MCMDC2: variants seen among roughly 807,000 people sequenced by gnomAD.
MCMDC2 encodes minichromosome maintenance domain-containing protein 2.
In MCMDC2, 54 loss-of-function variants were observed where a neutral mutation model predicts 75.8. The ratio of observed to expected loss-of-function variants is 0.71; its 90% CI spans 0.57 to 0.89. The LOEUF is 0.89. MCMDC2 is among the 40% of genes least tolerant of loss of function. The pLI, the probability that MCMDC2 is intolerant of heterozygous loss-of-function variation, is 0.00. For missense variants in MCMDC2, 656 were observed against 780.4 expected, an observed-to-expected ratio of 0.84 and a Z score of 1.90; for synonymous variants, 249 against 274.6, an observed-to-expected ratio of 0.91 and a Z score of 0.92.
At chr8:66,874,746 C>G (rs1042463740) in intron 4 of MCMDC2, among the ~76,000 whole-genome samples, 160 bp downstream of exon 4, 1 of 151,864 alleles carries the variant, frequency 6.6e-6, no homozygotes, top group Non-Finnish European at 1.5e-5. Flanking sequence ...CTTGTATTAT[C>G]CTTTATAACA....
Position 66,910,705 on chromosome 8 carries a change from A to G in MCMDC2, c.1879+5370A>G, listed in dbSNP as rs1219903267. 3.3e-5 allele frequency among the ~76,000 whole-genome samples: 5 copies of G among 152,214 alleles called. No homozygotes were observed. The East Asian group carries it at 5.8e-4, about 18-fold the overall frequency. ...GTGCCTACAATCCCAGCTACTTGGT[A>G]GGCTGAGGCTGGAGAATCGCTTGAA... On this transcript the variant is annotated intron_variant, in intron 14 of 14. Transcript: ENST00000422365.
At chr8:66,914,609 T>C (rs1813237037) in intron 14 of MCMDC2, among the ~76,000 whole-genome samples, 1 of 152,168 alleles carries the variant, frequency 6.6e-6, no homozygotes, top group African/African-American at 2.4e-5. Flanking sequence ...GGTAGAAAAT[T>C]GGGATTGTAA....
chr8:66,887,526 G>A (rs971282917), intron 9 of MCMDC2, among the ~76,000 whole-genome samples: 1 of 152,024 alleles, frequency 6.6e-6, no homozygotes, highest in Non-Finnish European at 1.5e-5. Flanking sequence ...CTCTGGCCTG[G>A]GTGACACAGC....
rs151043668 is a variant in MCMDC2, at chr8:66,890,912, T to C, written c.1121T>C (p.Leu374Pro). The C allele has an allele frequency of 6.2e-7, 1 of 1,613,764 alleles. No individual in the cohort carries two copies. Among genetic ancestry groups the C allele is most frequent in the Non-Finnish European group, 8.5e-7 (1 of 1,179,940 alleles). Reference sequence around the variant, plus strand: ...CTTGTCCCCCGTGGTATACGTCATCTAGTCTCTACTGAAATTTTTCCCACT... The same window carrying C: ...CTTGTCCCCCGTGGTATACGTCATCCAGTCTCTACTGAAATTTTTCCCACT... ...INLVPRGIRH[L>P]VSTEIFPTLS... Residue 374 changes from leucine (L) to proline (P), a missense_variant, in exon 10 of 15, where the codon CTA (leucine) becomes CCA (proline). By Grantham distance (98) the Leu-to-Pro change is moderately conservative (BLOSUM62 -3). Coordinates refer to ENST00000422365, the MANE Select transcript of MCMDC2 (RefSeq NM_173518.5).
At chr8:66,880,534 A>C (rs1223751787) in intron 7 of MCMDC2, among the ~76,000 whole-genome samples, 2 of 152,220 alleles carry the variant, frequency 1.3e-5, no homozygotes, top group Non-Finnish European at 2.9e-5. Context: ...TTTTCATTGA[A>C]TAGAAAAATG....
At chr8:66,912,131 G>A (rs1481460246) in intron 14 of MCMDC2, among the ~76,000 whole-genome samples, 1 of 152,194 alleles carries the variant, frequency 6.6e-6, no homozygotes, top group East Asian at 1.9e-4. Flanking sequence ...ATGGGAGGAG[G>A]TTAAAATATC....
Position 66,916,391 on chromosome 8 carries a change from A to C in MCMDC2, c.1880-2612A>C, listed in dbSNP as rs945052778. On this transcript the variant is annotated intron_variant, in intron 14 of 14. Transcript: ENST00000422365. ...GCTGAAAATGAAAGGTTTGAGGAGG[A>C]AAGAATGGAATATAATAGTTATTGT... Among the ~76,000 whole-genome samples the C allele has an allele frequency of 3.9e-5, 6 of 152,232 alleles. No individual in the cohort carries two copies. The East Asian group carries it at 9.7e-4, about 25-fold the overall frequency.
chr8:66,898,598 T>C (rs996191453), intron 12 of MCMDC2, among the ~76,000 whole-genome samples: 3 of 135,034 alleles, frequency 2.2e-5, no homozygotes, highest in African/African-American at 2.9e-5. Context: ...CACTCCAGCC[T>C]GGGCGACAAG....
chr8:66,905,249 C>A lies in MCMDC2; in HGVS notation c.1793C>A (p.Ala598Glu). Residue 598 changes from alanine (A) to glutamate (E), a missense_variant, in exon 14 of 15, where the codon GCA (alanine) becomes GAA (glutamate). Physicochemically the swap from Ala to Glu is moderately radical, Grantham distance 107 (BLOSUM62 -1). Transcript: ENST00000422365. ...KYLVFLSEAHARLNLRNKVLK... is the reference protein window; with the variant it reads ...KYLVFLSEAHERLNLRNKVLK... ...AGCGTTTTCCTATCTGAAGCCCATG[C>A]ACGACTGAACTTAAGGAACAAAGTG... The A allele has an allele frequency of 6.7e-7, 1 of 1,485,998 alleles. No homozygotes were observed. Among genetic ancestry groups the A allele is most frequent in the East Asian group, 2.6e-5 (1 of 38,446 alleles). 92.1% of individuals were successfully genotyped at this position (1,485,998 alleles called of 1,614,324 possible). A position where few individuals can be genotyped will look rare whatever the true frequency, so the allele number is the denominator to read the frequency against.
chr8:66,919,249 A>G lies in MCMDC2; in HGVS notation c.*80A>G. 3 of 1,107,132 alleles carry G rather than the reference A, an allele frequency of 2.7e-6. No homozygotes were observed. The highest frequency in any genetic ancestry group is 3.8e-6 in the Non-Finnish European group (3 of 779,910). The allele number at this position is 1,107,132 out of a possible 1,614,324, so 68.6% of individuals were successfully genotyped here. ...CTATTTTGAGAGTGACTTTGAAGTA[A>G]TGCTTTGATAATACTCTGTACAGGA... is the stretch of plus-strand genomic sequence containing the variant. On this transcript the variant is annotated 3_prime_UTR_variant, in exon 15 of 15. Coordinates refer to ENST00000422365, the MANE Select transcript of MCMDC2 (RefSeq NM_173518.5).
At chr8:66,873,937 T>C (rs1034356933) in intron 1 of MCMDC2, 116 bp from the exon 2 acceptor site, 17 of 405,114 alleles carry the variant, frequency 4.2e-5, no homozygotes, top group East Asian at 1.9e-4. Context: ...TTTGTTTTCA[T>C]TGGGTAGGAA....
chr8:66,891,882 G>A (rs971893819), intron 10 of MCMDC2, among the ~76,000 whole-genome samples: 2 of 152,218 alleles, frequency 1.3e-5, no homozygotes, highest in African/African-American at 4.8e-5. Context: ...ATGCAAGGCT[G>A]TAGCTGGAAC....
chr8:66,918,077 T>C (rs1813387615), intron 14 of MCMDC2, among the ~76,000 whole-genome samples: 2 of 152,250 alleles, frequency 1.3e-5, no homozygotes. Context: ...TTTTGTTTTT[T>C]ATTTTTATAA....
At chr8:66,896,483 G>A (rs924404515) in intron 11 of MCMDC2, 147 bp downstream of exon 11, 1 of 783,144 alleles carries the variant, frequency 1.3e-6, no homozygotes, top group Non-Finnish European at 1.9e-6. Flanking sequence ...TTTAAAAATT[G>A]TAATGTTTTT....
Position 66,921,375 on chromosome 8 carries a change from C to G in MCMDC2, c.*2206C>G, listed in dbSNP as rs1354205134. Reference sequence around the variant, plus strand: ...TGCAACAGAACTGCACTTATACCCCCCAAATCTATACTGAGGGAAGTGACT... The same window carrying G: ...TGCAACAGAACTGCACTTATACCCCGCAAATCTATACTGAGGGAAGTGACT... On this transcript the variant is annotated 3_prime_UTR_variant, in exon 15 of 15. Transcript: ENST00000422365. The G allele has an allele frequency of 2.6e-5, 4 of 152,106 alleles. No homozygotes were observed. Among genetic ancestry groups the G allele is most frequent in the Admixed American group, 6.6e-5 (1 of 15,266 alleles). The allele number at this position is 152,106 out of a possible 1,614,324, so 9.4% of individuals were successfully genotyped here.
chr8:66,878,962 A>G (rs1324325744), intron 7 of MCMDC2, 43 bp downstream of exon 7: 2 of 1,246,286 alleles, frequency 1.6e-6, no homozygotes, highest in African/African-American at 1.5e-5. Context: ...TGCTATAAAT[A>G]TGTAATTGGC....
At chr8:66,874,633 A>C (rs1357522325) in intron 4 of MCMDC2, 47 bp downstream of exon 4, 1 of 1,465,224 alleles carries the variant, frequency 6.8e-7, no homozygotes, top group African/African-American at 1.4e-5. Context: ...GATTTACATG[A>C]TGACTTGTAA....
intron 14 of MCMDC2, among the ~76,000 whole-genome samples, chr8:66,917,120 G>C (rs764007151): frequency 9.9e-5 from 15 of 152,190 alleles, no homozygotes; most frequent in Non-Finnish European, 2.2e-4. Flanking sequence ...GGCTCTGACT[G>C]TGTCTTGTGA....
downstream of MCMDC2, chr8:66,922,631 GATCCT>G (rs1336668610): frequency 2.4e-6 from 1 of 414,150 alleles, no homozygotes; most frequent in Admixed American, 2.6e-5. Context: ...CATGCCGCGT[GATCCT>G]AGTAGTTTTT....
Sources: gnomAD v4.1 joint callset for allele counts (sites outside exome capture counted in the v4.1 genomes callset) on GRCh38, gnomAD v4.1.1 for gene constraint, MANE v1.5 for transcripts, NCBI Gene and HGNC (gene_info 2026-07-23, HGNC 2026-07-21) for gene names.